The following NETO1 variants were observed in gnomAD, a reference collection of about 807,000 sequenced individuals.
NETO1 encodes the protein neuropilin and tolloid-like protein 1.
A neutral mutation model predicts 61.3 loss-of-function variants in NETO1; 26 were observed. The ratio of observed to expected loss-of-function variants is 0.42; its 90% CI spans 0.31 to 0.59. The LOEUF (loss-of-function observed/expected upper bound fraction) is 0.59. NETO1 is among the 20% of genes least tolerant of loss of function. The pLI is 0.12. For missense variants in NETO1, 531 were observed against 662.8 expected (o/e 0.80, Z 2.18); for synonymous variants, 225 against 225.8 (o/e 1.00, Z 0.03).
At chr18:72,779,341 AT>A (rs1455051977) in intron 7 of NETO1, among the ~76,000 whole-genome samples, 1 of 151,612 alleles carries the variant, frequency 6.6e-6, no homozygotes, top group African/African-American at 2.4e-5. Flanking sequence ...GTAATTGTAT[AT>A]ATTAGCCATA....
chr18:72,836,693 G>C (rs1253040417), intron 4 of NETO1, among the ~76,000 whole-genome samples: 1 of 152,170 alleles, frequency 6.6e-6, no homozygotes, highest in Non-Finnish European at 1.5e-5. Context: ...GGATACTGAA[G>C]GAAGGCTGGT....
chr18:72,831,519 T>A (rs528390567), intron 4 of NETO1, among the ~76,000 whole-genome samples: 1 of 152,222 alleles, frequency 6.6e-6, no homozygotes, highest in Non-Finnish European at 1.5e-5. Flanking sequence ...GCATATTCAA[T>A]GCTACCACTA....
chr18:72,847,743 A>G (rs944818305), intron 4 of NETO1, among the ~76,000 whole-genome samples: 3 of 152,218 alleles, frequency 2.0e-5, no homozygotes, highest in Non-Finnish European at 4.4e-5. Context: ...ATTTGGAACG[A>G]AGGTATTTTC....
rs1473060403 is a variant in NETO1, at chr18:72,750,584, T to C, written c.1019A>G (p.Asn340Ser). Residue 340 changes from asparagine (N) to serine (S), a missense_variant, in exon 9 of 11, where the codon AAC becomes AGC. Physicochemically the swap from Asn to Ser is conservative, Grantham distance 46 (BLOSUM62 1). Transcript: ENST00000327305. ...CACGCCAATGACAGTCCCACTGGTG[T>C]TGGTCAGCTGGTCCAGCAGGCTGGT... ...RKTSLLDQLT[N>S]TSGTVIGVTS... 1.2e-6 allele frequency: 2 copies of C among 1,610,454 alleles called. No individual in the cohort carries two copies. Among genetic ancestry groups the C allele is most frequent in the Non-Finnish European group, 8.5e-7 (1 of 1,179,446 alleles).
chr18:72,781,626 C>T (rs2071743236), intron 7 of NETO1, among the ~76,000 whole-genome samples: 1 of 152,150 alleles, frequency 6.6e-6, no homozygotes, highest in Non-Finnish European at 1.5e-5. Flanking sequence ...AATTCCCCAA[C>T]TGGGTAATTA....
Position 72,770,294 on chromosome 18 carries a change from T to C in NETO1, c.868+13384A>G, listed in dbSNP as rs146113887. ...TTTTTATAAGATACAAATATGTACC[T>C]GTTGCCTGCTGTTGTCTTACCAATT... On this transcript the variant is annotated intron_variant, in intron 7 of 10. Coordinates refer to ENST00000327305, the MANE Select transcript of NETO1 (RefSeq NM_138966.5). 4.3e-4 allele frequency among the ~76,000 whole-genome samples: 65 copies of C among 152,236 alleles called. No homozygotes were observed. In the East Asian group the frequency reaches 0.011, roughly 25 times the overall value.
chr18:72,791,761 A>C (rs2072126662), intron 6 of NETO1, among the ~76,000 whole-genome samples: 1 of 152,200 alleles, frequency 6.6e-6, no homozygotes, highest in Admixed American at 6.5e-5. Flanking sequence ...AAAGTCTTTA[A>C]AAATCTTTCA....
intron 4 of NETO1, among the ~76,000 whole-genome samples, chr18:72,851,409 C>CAAA (rs1393321268): frequency 2.2e-4 from 29 of 132,088 alleles, no homozygotes; most frequent in African/African-American, 9.9e-4. Context: ...GAAACTCCCT[C>CAAA]AAAACAAAAA....
chr18:72,772,743 A>ATC (rs1491488125), intron 7 of NETO1, among the ~76,000 whole-genome samples: 8 of 65,750 alleles, frequency 1.2e-4, no homozygotes, highest in South Asian at 7.7e-4. Context: ...ACACACACAC[A>ATC]TCTCTCTATA....
rs1047523193 is a variant in NETO1 at position 72,744,245 on chromosome 18, T to C, written c.*3934A>G. On this transcript the variant is annotated 3_prime_UTR_variant, in exon 11 of 11. Coordinates refer to ENST00000327305, the MANE Select transcript of NETO1 (RefSeq NM_138966.5). ...TACCCTGTTTTATTTATTTTGATGA[T>C]ACAATTCAGTTAAATTTGTGGTACA... 2.0e-5 allele frequency: 3 copies of C among 152,196 alleles called. No homozygotes were observed. The highest frequency in any genetic ancestry group is 4.1e-4 in the South Asian group (2 of 4,834). The allele number at this position is 152,196 out of a possible 1,614,324, so 9.4% of individuals were successfully genotyped here. A position where few individuals can be genotyped will look rare whatever the true frequency, so the allele number is the denominator to read the frequency against.
At chr18:72,793,773 C>T (rs1303054847) in intron 6 of NETO1, among the ~76,000 whole-genome samples, 6 of 152,180 alleles carry the variant, frequency 3.9e-5, no homozygotes, top group Non-Finnish European at 8.8e-5. Context: ...CAAAATAAAC[C>T]AACTGCAGAT....
At chr18:72,866,704 C>T in intron 1 of NETO1, 1 of 986,270 alleles carries the variant, frequency 1.0e-6, no homozygotes, top group Non-Finnish European at 1.2e-6. Flanking sequence ...CTATTTTCCT[C>T]TCATTCCTTC....
chr18:72,789,609 C>T (rs1423942555), intron 6 of NETO1, among the ~76,000 whole-genome samples: 1 of 152,116 alleles, frequency 6.6e-6, no homozygotes, highest in South Asian at 2.1e-4. Flanking sequence ...CACCCATGTA[C>T]TATCTACTAT....
chr18:72,861,909 CAG>C (rs2145669765), intron 3 of NETO1, among the ~76,000 whole-genome samples: 1 of 152,284 alleles, frequency 6.6e-6, no homozygotes, highest in South Asian at 2.1e-4. Context: ...CTTCATGTAA[CAG>C]ATGCATTTCT....
At chr18:72,867,223 T>G in intron 1 of NETO1, 41 bp downstream of exon 1, 1 of 1,491,156 alleles carries the variant, frequency 6.7e-7, no homozygotes, top group Non-Finnish European at 9.0e-7. Flanking sequence ...GCGGGAGGGC[T>G]GGCTCCGGGA....
In NETO1 at chr18:72,783,677, C is replaced by A. The variant is rs754979870; in HGVS notation, c.868+1G>T. The A allele has an allele frequency of 6.2e-7, 1 of 1,613,364 alleles. No homozygotes were observed. The highest frequency in any genetic ancestry group is 8.5e-7 in the Non-Finnish European group (1 of 1,179,330). ...AAATAGTCAAGTGCAGAGAATCTTACGTTCTTGAAAGGATGTGAAGAGCAT... is the reference window on the plus strand; with the variant it reads ...AAATAGTCAAGTGCAGAGAATCTTAAGTTCTTGAAAGGATGTGAAGAGCAT... On this transcript the variant is annotated splice_donor_variant, in intron 7 of 10. Transcript: ENST00000327305. LOFTEE classifies it high-confidence loss of function.
chr18:72,756,002 A>AT (rs752921317), intron 8 of NETO1, 32 bp downstream of exon 8: 21 of 1,238,852 alleles, frequency 1.7e-5, no homozygotes, highest in South Asian at 1.1e-4. Context: ...CAGGGAGGAA[A>AT]TTTTTTTCAA....
At chr18:72,842,360 T>C (rs1003151672) in intron 4 of NETO1, among the ~76,000 whole-genome samples, 1 of 152,206 alleles carries the variant, frequency 6.6e-6, no homozygotes, top group African/African-American at 2.4e-5. Flanking sequence ...ACTCATGGGA[T>C]ATAATTTATA....
At chr18:72,818,653 A>C (rs1217590485) in intron 4 of NETO1, among the ~76,000 whole-genome samples, 2 of 152,214 alleles carry the variant, frequency 1.3e-5, no homozygotes, top group Non-Finnish European at 2.9e-5. Flanking sequence ...TTCATCCCAG[A>C]AAATCCACTG....
Sources: gnomAD v4.1 joint callset for allele counts (sites outside exome capture counted in the v4.1 genomes callset) on GRCh38, gnomAD v4.1.1 for gene constraint, MANE v1.5 for transcripts, NCBI Gene and HGNC (gene_info 2026-07-23, HGNC 2026-07-21) for gene names.